Variants in CD99L2 observed in about 807,000 individuals in gnomAD.
CD99L2 encodes CD99 antigen-like protein 2.
A neutral mutation model predicts 27.3 loss-of-function variants in CD99L2; 24 were observed. That is an observed-to-expected ratio of 0.88 (90% CI 0.64 to 1.24). The LOEUF is 1.24. CD99L2 is among the 50% of genes most tolerant of loss of function. The pLI, the probability that CD99L2 is intolerant of heterozygous loss-of-function variation, is 0.00. For synonymous variants in CD99L2, 97 were observed against 87.9 expected, an observed-to-expected ratio of 1.10 and a Z score of -0.58; for missense variants, 255 against 221.6, an observed-to-expected ratio of 1.15 and a Z score of -0.96.
chrX:150,859,380 T>C (rs781993400), intron 1 of CD99L2, among the ~76,000 whole-genome samples: 66 of 110,380 alleles, frequency 6.0e-4, no homozygotes, highest in Non-Finnish European at 1.1e-3. Context: ...GCAGCTATAA[T>C]CCCAACTACT....
At chrX:150,870,231 C>A (rs1380527000) in intron 1 of CD99L2, among the ~76,000 whole-genome samples, 2 of 108,913 alleles carry the variant, frequency 1.8e-5, no homozygotes, top group Non-Finnish European at 3.8e-5. Context: ...AAGCCTACTG[C>A]CTGGGCTTCC....
At chrX:150,872,563 G>T (rs1183173163) in intron 1 of CD99L2, among the ~76,000 whole-genome samples, 1 of 82,943 alleles carries the variant, frequency 1.2e-5, no homozygotes, top group African/African-American at 4.7e-5. Flanking sequence ...AAAAACTTAA[G>T]AACTATACTA....
chrX:150,792,200 C>T (rs1172446281), intron 7 of CD99L2, among the ~76,000 whole-genome samples: 1 of 112,061 alleles, frequency 8.9e-6, no homozygotes, highest in African/African-American at 3.2e-5. Flanking sequence ...TTATTCTTTA[C>T]AAGAGAAGTT....
intron 1 of CD99L2, among the ~76,000 whole-genome samples, chrX:150,884,890 A>T (rs1465106420): frequency 1.5e-4 from 17 of 112,181 alleles, no homozygotes; most frequent in African/African-American, 4.5e-4. Flanking sequence ...TAATAAGAGA[A>T]TGAATTAAAA....
intron 1 of CD99L2, among the ~76,000 whole-genome samples, chrX:150,835,684 T>C (rs1429484123): frequency 1.8e-5 from 2 of 111,880 alleles, no homozygotes. Context: ...AAAGATATAC[T>C]GAGCTGATAG....
intron 1 of CD99L2, among the ~76,000 whole-genome samples, chrX:150,873,656 T>A (rs1557422245): frequency 8.9e-6 from 1 of 111,732 alleles, no homozygotes; most frequent in African/African-American, 3.3e-5. Context: ...ATGATTCTAG[T>A]GAGACACTGC....
intron 7 of CD99L2, among the ~76,000 whole-genome samples, chrX:150,782,757 C>A (rs1557419457): frequency 2.7e-5 from 3 of 111,131 alleles, no homozygotes; most frequent in African/African-American, 9.8e-5. Flanking sequence ...AGAACTAATC[C>A]CATCACAAAG....
At chrX:150,840,206 A>G (rs782152822) in intron 1 of CD99L2, among the ~76,000 whole-genome samples, 1 of 108,787 alleles carries the variant, frequency 9.2e-6, no homozygotes, top group African/African-American at 3.4e-5. Context: ...TACCTCAAAA[A>G]GAAAAAAGAA....
rs2046057033 is a variant in CD99L2 at position 150,810,553 on chromosome X, AAC to A, written c.277+4307_277+4308del. The stretch of plus-strand genomic sequence containing the variant: ...CTCAGAAACCAGAAAATGGAAACCA[AAC>A]ACAGAGCAAGCAGAGTGAAGGAAGA... On this transcript the variant is annotated intron_variant, in intron 4 of 10. Coordinates refer to ENST00000370377, the MANE Select transcript of CD99L2 (RefSeq NM_031462.4). Among the ~76,000 whole-genome samples the A allele has an allele frequency of 2.7e-5, 3 of 111,472 alleles. No individual in the cohort carries two copies. In the Admixed American group the frequency reaches 2.9e-4, roughly 11 times the overall value.
intron 1 of CD99L2, among the ~76,000 whole-genome samples, chrX:150,848,402 G>A (rs782526203): frequency 9.1e-6 from 1 of 109,851 alleles, no homozygotes; most frequent in Non-Finnish European, 1.9e-5. Flanking sequence ...AGTGGGAGAT[G>A]GGAAATTGCT....
chrX:150,798,637 T>C (rs1457315178), intron 4 of CD99L2, among the ~76,000 whole-genome samples: 4 of 112,097 alleles, frequency 3.6e-5, no homozygotes, highest in African/African-American at 6.5e-5. Flanking sequence ...GAGAAAATAT[T>C]ATGAAAAAGT....
At chrX:150,824,447 GAAGAAGAAGAAAGAAGA>G (rs2046319200) in intron 2 of CD99L2, among the ~76,000 whole-genome samples, 1 of 66,120 alleles carries the variant, frequency 1.5e-5, no homozygotes, top group Non-Finnish European at 2.9e-5. Flanking sequence ...AAAGAAGAAA[GAAGAAGAAGAAAGAAGA>G]AAGAAGAAGA....
At chrX:150,865,162 G>A (rs2047041501) in intron 1 of CD99L2, among the ~76,000 whole-genome samples, 1 of 110,362 alleles carries the variant, frequency 9.1e-6, no homozygotes, top group African/African-American at 3.3e-5. Context: ...GGAGAGGGGG[G>A]GAAAGTATAG....
At chrX:150,877,955 CACAT>C (rs1474371962) in intron 1 of CD99L2, among the ~76,000 whole-genome samples, 3 of 76,453 alleles carry the variant, frequency 3.9e-5, no homozygotes, top group Non-Finnish European at 5.0e-5. Context: ...TTATCTCAAA[CACAT>C]ACACACACAC....
rs192467253 is a variant in CD99L2, at chrX:150,884,012, T to C, written c.67+14510A>G. 7.2e-3 allele frequency among the ~76,000 whole-genome samples: 803 copies of C among 112,088 alleles called. 6 individuals are homozygous for C. The highest frequency in any genetic ancestry group is 0.024 in the African/African-American group (744 of 30,833). Reference sequence around the variant, plus strand: ...CTTTTTTACACTGCTGGTAGGAATATAAATTGGTACAACCATTTTGGAAGA... The same window carrying C: ...CTTTTTTACACTGCTGGTAGGAATACAAATTGGTACAACCATTTTGGAAGA... On this transcript the variant is annotated intron_variant, in intron 1 of 10. Transcript: ENST00000370377.
Position 150,837,602 on chromosome X carries a change from C to T in CD99L2, c.68-6309G>A, listed in dbSNP as rs781804405. Among the ~76,000 whole-genome samples the T allele has an allele frequency of 2.7e-4, 30 of 112,063 alleles. No homozygotes were observed. In the Middle Eastern group the frequency reaches 0.014, roughly 51 times the overall value. ...GGTATCTGTCAAAGGGGCACAGGAA[C>T]CAACTGAAAGAGCTCCCAGTGGCTA... is the stretch of plus-strand genomic sequence containing the variant. On this transcript the variant is annotated intron_variant, in intron 1 of 10. Coordinates refer to ENST00000370377, the MANE Select transcript of CD99L2 (RefSeq NM_031462.4).
intron 1 of CD99L2, among the ~76,000 whole-genome samples, chrX:150,891,171 T>C (rs781950754): frequency 8.9e-6 from 1 of 112,833 alleles, no homozygotes; most frequent in South Asian, 3.6e-4. Context: ...TATCTAACTC[T>C]TAGCTTCTTA....
At chrX:150,853,409 C>A (rs1448886893) in intron 1 of CD99L2, among the ~76,000 whole-genome samples, 2 of 111,377 alleles carry the variant, frequency 1.8e-5, no homozygotes, top group Non-Finnish European at 3.8e-5. Flanking sequence ...CCACCCACTT[C>A]ACTGCTGGGC....
At chrX:150,824,895 TG>T (rs1445634984) in intron 2 of CD99L2, among the ~76,000 whole-genome samples, 1 of 112,169 alleles carries the variant, frequency 8.9e-6, no homozygotes, top group Non-Finnish European at 1.9e-5. Context: ...AAAATGATAA[TG>T]TTTGCACACT....
Sources: allele counts gnomAD v4.1 joint callset (sites outside exome capture counted in the v4.1 genomes callset), GRCh38; gene constraint gnomAD v4.1.1; transcripts MANE v1.5; gene names NCBI Gene and HGNC (gene_info 2026-07-23, HGNC 2026-07-21).